Variants in CATSPERB observed in about 807,000 individuals in gnomAD.
CATSPERB encodes the protein cation channel sperm-associated auxiliary subunit beta.
In CATSPERB, 93 loss-of-function variants were observed where a neutral mutation model predicts 128.3. That is an observed-to-expected ratio of 0.72 (90% CI 0.61 to 0.86). CATSPERB has a LOEUF of 0.86. Among genes scored for constraint, CATSPERB ranks in the 40% least tolerant of loss-of-function variants. CATSPERB has a pLI of 0.00. For synonymous variants in CATSPERB, 381 were observed against 448.8 expected, an observed-to-expected ratio of 0.85 and a Z score of 1.91; for missense variants, 1,153 against 1,329.5, an observed-to-expected ratio of 0.87 and a Z score of 2.06.
chr14:91,651,265 C>CT (rs1416747885), intron 15 of CATSPERB, among the ~76,000 whole-genome samples: 1 of 152,192 alleles, frequency 6.6e-6, no homozygotes, highest in East Asian at 1.9e-4. Flanking sequence ...TTTGTGGTGG[C>CT]TGTGAGCTTC....
intron 11 of CATSPERB, among the ~76,000 whole-genome samples, chr14:91,674,552 T>G (rs1432495926): frequency 6.6e-6 from 1 of 152,236 alleles, no homozygotes; most frequent in African/African-American, 2.4e-5. Flanking sequence ...AATCTAGTTG[T>G]AACTGAGTAG....
intron 7 of CATSPERB, among the ~76,000 whole-genome samples, chr14:91,699,715 A>G (rs1043244137): frequency 6.6e-6 from 1 of 151,486 alleles, no homozygotes; most frequent in African/African-American, 2.4e-5. Context: ...CTGGAATTAC[A>G]GGCACCCACT....
At position 91,731,972 on chromosome 14, in the gene CATSPERB, A is replaced by AT. The variant is rs2139787994; in HGVS notation, c.-44dup. 6.6e-6 allele frequency: 1 copy of AT among 152,336 alleles called. No homozygotes were observed. Among genetic ancestry groups the AT allele is most frequent in the Admixed American group, 6.6e-5 (1 of 15,244 alleles). 9.4% of individuals were successfully genotyped at this position (152,336 alleles called of 1,614,324 possible). ...AACTAGTTGTGTTCTTCTTTTTTAT[A>AT]TTTTTTCTCAGTTTTCTTCCATATA... is the stretch of plus-strand genomic sequence containing the variant. On this transcript the variant is annotated 5_prime_UTR_variant, in exon 1 of 27. Coordinates refer to ENST00000256343, the MANE Select transcript of CATSPERB (RefSeq NM_024764.4).
intron 22 of CATSPERB, among the ~76,000 whole-genome samples, chr14:91,605,508 G>T (rs1401888622): frequency 4.6e-5 from 7 of 152,172 alleles, no homozygotes. Flanking sequence ...TAAAACCCTA[G>T]ATGGCTCTTG....
rs1895507496 is a variant in CATSPERB, at chr14:91,693,537, CA to C, written c.617-59del. 2 of 1,270,422 alleles carry C rather than the reference CA, an allele frequency of 1.6e-6. 1 individual carries two copies. Among genetic ancestry groups the C allele is most frequent in the South Asian group, 2.4e-5 (2 of 82,096 alleles). 78.7% of individuals were successfully genotyped at this position (1,270,422 alleles called of 1,614,324 possible). On this transcript the variant is annotated intron_variant, in intron 7 of 26. Coordinates refer to ENST00000256343, the MANE Select transcript of CATSPERB (RefSeq NM_024764.4). ...GCAACTTTACAAGGTGAGTCACCTT[CA>C]GGGGCAAGAGCCCAGAGTCCGTTCC... is the stretch of plus-strand genomic sequence containing the variant.
intron 2 of CATSPERB, among the ~76,000 whole-genome samples, chr14:91,725,572 AC>A (rs1242246212): frequency 6.6e-6 from 1 of 152,154 alleles, no homozygotes; most frequent in East Asian, 1.9e-4. Context: ...CTACTTACTT[AC>A]CTTGTGTCTG....
intron 20 of CATSPERB, among the ~76,000 whole-genome samples, chr14:91,613,729 G>A (rs916018034): frequency 1.3e-5 from 2 of 152,182 alleles, no homozygotes; most frequent in African/African-American, 4.8e-5. Flanking sequence ...CCTAGTTGGA[G>A]ATAACTGTGG....
At position 91,594,821 on chromosome 14, in the gene CATSPERB, G is replaced by A. The variant is rs146101150; in HGVS notation, c.2710-2819C>T. On this transcript the variant is annotated intron_variant, in intron 22 of 26. Transcript: ENST00000256343. ...TTACTCTGAAGTCCATATATTAGTA[G>A]GCAGGTATGAAAGTGGCTTATGTAT... is the stretch of plus-strand genomic sequence containing the variant. 1.8e-3 allele frequency among the ~76,000 whole-genome samples: 278 copies of A among 152,288 alleles called. 3 individuals are homozygous for A. Among genetic ancestry groups the A allele is most frequent in the Non-Finnish European group, 3.1e-3 (211 of 68,028 alleles).
chr14:91,590,599 G>T (rs968046158), intron 23 of CATSPERB, among the ~76,000 whole-genome samples: 2 of 151,948 alleles, frequency 1.3e-5, no homozygotes, highest in African/African-American at 4.8e-5. Context: ...AACATATTGT[G>T]TATATACATA....
chr14:91,597,704 T>C (rs1374324986), intron 22 of CATSPERB, among the ~76,000 whole-genome samples: 1 of 152,212 alleles, frequency 6.6e-6, no homozygotes, highest in African/African-American at 2.4e-5. Context: ...ATGGCTTTAA[T>C]TTCTTGCCCT....
chr14:91,594,956 G>A lies in CATSPERB; in HGVS notation c.2710-2954C>T, dbSNP rs932549697. ...TCAGTGACTCCAAATAAAGACAAAAGGGGGTAAAAAGGAAGGAAAAAAATT... is the reference window on the plus strand; with the variant it reads ...TCAGTGACTCCAAATAAAGACAAAAAGGGGTAAAAAGGAAGGAAAAAAATT... On this transcript the variant is annotated intron_variant, in intron 22 of 26. Coordinates refer to ENST00000256343, the MANE Select transcript of CATSPERB (RefSeq NM_024764.4). Among the ~76,000 whole-genome samples the A allele has an allele frequency of 5.3e-5, 8 of 152,064 alleles. No individual in the cohort carries two copies. The East Asian group carries it at 1.2e-3, about 22-fold the overall frequency.
chr14:91,647,822 C>T (rs1324272236), intron 15 of CATSPERB, among the ~76,000 whole-genome samples: 1 of 152,184 alleles, frequency 6.6e-6, no homozygotes, highest in Admixed American at 6.5e-5. Context: ...CACAGCCAAA[C>T]CATATCACCA....
intron 22 of CATSPERB, among the ~76,000 whole-genome samples, chr14:91,597,233 T>C (rs955679658): frequency 6.6e-6 from 1 of 152,160 alleles, no homozygotes; most frequent in Non-Finnish European, 1.5e-5. Context: ...GTTTGTCAAA[T>C]ATAAAAGCTT....
intron 20 of CATSPERB, among the ~76,000 whole-genome samples, chr14:91,615,825 A>C (rs1893925193): frequency 6.6e-6 from 1 of 152,036 alleles, no homozygotes; most frequent in Non-Finnish European, 1.5e-5. Context: ...TCGATTTGAA[A>C]TTGCTAGATC....
chr14:91,709,689 C>CA (rs35964085), intron 5 of CATSPERB: 53,775 of 96,506 alleles, frequency 0.56, 15,782 homozygotes, highest in Non-Finnish European at 0.6. Flanking sequence ...GACTCCATCT[C>CA]AAAAAAACAA....
chr14:91,675,634 T>C (rs758105042), intron 11 of CATSPERB, among the ~76,000 whole-genome samples: 5 of 152,222 alleles, frequency 3.3e-5, no homozygotes, highest in Non-Finnish European at 5.9e-5. Flanking sequence ...GTCCCCTTGA[T>C]GGGGAATCAG....
intron 26 of CATSPERB, 132 bp downstream of exon 26, chr14:91,587,070 G>A: frequency 1.5e-6 from 1 of 653,432 alleles, no homozygotes; most frequent in Non-Finnish European, 2.6e-6. Context: ...CTACCCTTCA[G>A]GATCCCCTGT....
chr14:91,667,291 G>A (rs191416739), intron 14 of CATSPERB, among the ~76,000 whole-genome samples: 43 of 152,146 alleles, frequency 2.8e-4, no homozygotes, highest in African/African-American at 7.2e-4. Context: ...CTTACACTGC[G>A]GAAGCCATCA....
rs1896061340 is a variant in CATSPERB, at chr14:91,723,104, C to A, written c.254G>T (p.Ser85Ile). The change falls in exon 4 of 27, where the codon AGC becomes ATC. Residue 85 changes from serine to isoleucine, a missense_variant. Ser to Ile is a moderately radical substitution (Grantham distance 142, BLOSUM62 -2). Transcript: ENST00000256343. ...ATATGTACTATTCATGATTCCCAAG[C>A]TGGGAGCAAGTCCTCCTGATGTGAA... ...SVFTSGGLAP[S>I]LGIMNSTYNG... The A allele has an allele frequency of 6.4e-7, 1 of 1,551,944 alleles. No homozygotes were observed.
Sources: gnomAD v4.1 joint callset for allele counts (sites outside exome capture counted in the v4.1 genomes callset) on GRCh38, gnomAD v4.1.1 for gene constraint, MANE v1.5 for transcripts, NCBI Gene and HGNC (gene_info 2026-07-23, HGNC 2026-07-21) for gene names.